FAM151B: variants seen among roughly 807,000 people sequenced by gnomAD.
FAM151B encodes family with sequence similarity 151 member B, also known as protein FAM151B.
In FAM151B, 24 loss-of-function variants were observed where a neutral mutation model predicts 31.2. The ratio of observed to expected loss-of-function variants is 0.77; its 90% CI spans 0.56 to 1.08. FAM151B has a LOEUF of 1.08. Ranked by LOEUF, FAM151B falls within the 50% of genes least tolerant of loss-of-function variation. FAM151B has a pLI of 0.00. For missense variants in FAM151B, 293 were observed against 328.6 expected (o/e 0.89, Z 0.84); for synonymous variants, 105 against 111.4 (o/e 0.94, Z 0.36).
At chr5:80,494,084 C>G in intron 1 of FAM151B, among the ~76,000 whole-genome samples, 1 of 152,252 alleles carries the variant, frequency 6.6e-6, no homozygotes, top group Non-Finnish European at 1.5e-5. Flanking sequence ...AAAGAACGTA[C>G]GTTGAAATAT....
chr5:80,512,618 T>C (rs1162980391), intron 2 of FAM151B, among the ~76,000 whole-genome samples: 3 of 2,448 alleles, frequency 1.2e-3, no homozygotes, highest in African/African-American at 5.0e-3. Context: ...CTACAACAGA[T>C]ATTTTTTAAA....
chr5:80,513,243 G>C (rs1744263151), intron 2 of FAM151B, among the ~76,000 whole-genome samples: 1 of 152,176 alleles, frequency 6.6e-6, no homozygotes, highest in Non-Finnish European at 1.5e-5. Flanking sequence ...CTAATTTGAG[G>C]AGTGAGAAGA....
chr5:80,504,514 C>CTTTTTTTTTTTTTTTTTTTTTTTT (rs11340979), intron 2 of FAM151B, among the ~76,000 whole-genome samples: 2 of 58,716 alleles, frequency 3.4e-5, no homozygotes, highest in Non-Finnish European at 6.0e-5. Context: ...GACTATTACT[C>CTTTTTTTTTTTTTTTTTTTTTTTT]TTTTTTTTTT....
chr5:80,489,921 C>T (rs1431372738), intron 1 of FAM151B, among the ~76,000 whole-genome samples: 1 of 150,442 alleles, frequency 6.6e-6, no homozygotes. Context: ...GAAACTGTCT[C>T]AAAACAAAAA....
chr5:80,541,674 T>C lies in FAM151B; in HGVS notation c.673T>C (p.Tyr225His). 1 of 1,613,324 alleles carries C rather than the reference T, an allele frequency of 6.2e-7. No individual in the cohort carries two copies. The highest frequency in any genetic ancestry group is 8.5e-7 in the Non-Finnish European group (1 of 1,179,554). Residue 225 changes from tyrosine to histidine, a missense_variant and splice_region_variant, in exon 6 of 6, where the codon TAC becomes CAC. Tyr to His is a moderately conservative substitution (Grantham distance 83). Transcript: ENST00000282226. ...TAATTCTGTTTTATTTCAATGCAGGTACAGCCTGACTATTTGGACTGGAAA... is the reference window on the plus strand; with the variant it reads ...TAATTCTGTTTTATTTCAATGCAGGCACAGCCTGACTATTTGGACTGGAAA... ...LLWLLKKSNR[Y>H]SLTIWTGKND...
intron 5 of FAM151B, among the ~76,000 whole-genome samples, chr5:80,526,965 C>A (rs547036092): frequency 6.6e-6 from 1 of 152,246 alleles, no homozygotes; most frequent in Non-Finnish European, 1.5e-5. Flanking sequence ...GCTGAAATTT[C>A]AATAGTCAAC....
In FAM151B at chr5:80,525,459, C is replaced by G. The variant is rs183395261; in HGVS notation, c.671+3321C>G. Among the ~76,000 whole-genome samples, 3 of 152,240 alleles carry G rather than the reference C, an allele frequency of 2.0e-5. No homozygotes were observed. The South Asian group carries it at 6.2e-4, about 32-fold the overall frequency. On this transcript the variant is annotated intron_variant, in intron 5 of 5. Transcript: ENST00000282226. ...CGAAGTTTCAGTTCTTGACAGCATA[C>G]CTGTTCAAAGAACAGGCTAAGTGTT...
intron 5 of FAM151B, among the ~76,000 whole-genome samples, chr5:80,537,498 A>G (rs1338620321): frequency 6.6e-6 from 1 of 152,152 alleles, no homozygotes; most frequent in African/African-American, 2.4e-5. Context: ...GAGTCTTTCC[A>G]CTGGACTCCT....
intron 5 of FAM151B, among the ~76,000 whole-genome samples, chr5:80,537,089 C>T (rs1240968588): frequency 6.6e-6 from 1 of 152,138 alleles, no homozygotes; most frequent in Admixed American, 6.6e-5. Flanking sequence ...GGTGGGAACC[C>T]TATTTTTCAA....
intron 5 of FAM151B, among the ~76,000 whole-genome samples, chr5:80,538,679 C>T (rs1745717674): frequency 6.6e-6 from 1 of 151,138 alleles, no homozygotes. Flanking sequence ...TCACTGCAAC[C>T]TCTGCTTCCT....
intron 5 of FAM151B, among the ~76,000 whole-genome samples, chr5:80,530,990 G>T (rs1027513084): frequency 3.9e-5 from 6 of 151,958 alleles, no homozygotes; most frequent in East Asian, 1.9e-4. Context: ...CAAACTATAC[G>T]ACAAGGCTGC....
chr5:80,538,412 CTTT>C (rs1745633838), intron 5 of FAM151B, among the ~76,000 whole-genome samples: 1 of 50,246 alleles, frequency 2.0e-5, no homozygotes, highest in African/African-American at 1.1e-4. Flanking sequence ...TTCTTTCTTT[CTTT>C]CTTTCTTTCT....
intron 1 of FAM151B, among the ~76,000 whole-genome samples, chr5:80,492,520 T>C (rs1743369599): frequency 1.3e-5 from 2 of 152,184 alleles, no homozygotes; most frequent in Non-Finnish European, 2.9e-5. Context: ...CAGCCAGCCA[T>C]ACTCCTGTCT....
intron 1 of FAM151B, among the ~76,000 whole-genome samples, chr5:80,488,564 G>C (rs1243310648): frequency 2.6e-5 from 4 of 152,258 alleles, no homozygotes; most frequent in African/African-American, 9.6e-5. Context: ...TCCCGCTGCT[G>C]AGCGCGCTGC....
chr5:80,538,460 T>C (rs545468433), intron 5 of FAM151B, among the ~76,000 whole-genome samples: 22,491 of 81,138 alleles, frequency 0.28, 3,227 homozygotes, highest in East Asian at 0.41. Flanking sequence ...CTTTCTTTCT[T>C]TCTTTCTTTC....
intron 2 of FAM151B, among the ~76,000 whole-genome samples, chr5:80,506,310 T>C (rs1479866743): frequency 1.3e-5 from 2 of 152,156 alleles, no homozygotes; most frequent in Non-Finnish European, 2.9e-5. Context: ...GTAGCCCTAG[T>C]GATTATTGGT....
chr5:80,506,448 C>T (rs1007115088), intron 2 of FAM151B, among the ~76,000 whole-genome samples: 3 of 152,148 alleles, frequency 2.0e-5, no homozygotes, highest in Middle Eastern at 3.2e-3. Context: ...TTAAAGCTCA[C>T]CTGACCCCTG....
Position 80,498,302 on chromosome 5 carries a change from G to A in FAM151B, c.26-3490G>A, listed in dbSNP as rs148881295. ...TCAGTGAGAGACTGCTTTGGGGATA[G>A]TGGATCCTCCACCTAACTGTCCTTT... On this transcript the variant is annotated intron_variant, in intron 1 of 5. Coordinates refer to ENST00000282226, the MANE Select transcript of FAM151B (RefSeq NM_205548.3). 5.5e-3 allele frequency among the ~76,000 whole-genome samples: 840 copies of A among 152,208 alleles called. 26 individuals are homozygous for A. The highest frequency in any genetic ancestry group is 0.045 in the Admixed American group (681 of 15,274).
At chr5:80,520,655 A>T (rs1326304139) in intron 4 of FAM151B, among the ~76,000 whole-genome samples, 1 of 148,264 alleles carries the variant, frequency 6.7e-6, no homozygotes, top group Non-Finnish European at 1.5e-5. Context: ...AAAAAAAAAA[A>T]AAAAGTGTGT....
Sources: allele counts gnomAD v4.1 joint callset (sites outside exome capture counted in the v4.1 genomes callset), GRCh38; gene constraint gnomAD v4.1.1; transcripts MANE v1.5; gene names NCBI Gene and HGNC (gene_info 2026-07-23, HGNC 2026-07-21).